The following RNF19B variants were observed in gnomAD, a reference collection of about 807,000 sequenced individuals.
RNF19B encodes ring finger protein 19B, also known as E3 ubiquitin-protein ligase RNF19B.
Under a neutral mutation model 65.5 loss-of-function variants are expected in RNF19B, and 23 were observed. The ratio of observed to expected loss-of-function variants is 0.35; its 90% CI spans 0.25 to 0.50. The LOEUF (loss-of-function observed/expected upper bound fraction) is 0.50. RNF19B is among the 20% of genes least tolerant of loss of function. The pLI is 0.98. For missense variants in RNF19B, 794 were observed against 980.0 expected (o/e 0.81, Z 2.53); for synonymous variants, 372 against 379.6 (o/e 0.98, Z 0.23).
intron 4 of RNF19B, among the ~76,000 whole-genome samples, chr1:32,946,130 T>G (rs997201202): frequency 2.0e-5 from 3 of 152,212 alleles, no homozygotes; most frequent in Non-Finnish European, 4.4e-5. Flanking sequence ...CTTCCCAAAG[T>G]GCTAGGCCAC....
chr1:32,936,992 A>G lies in RNF19B; in HGVS notation c.2010T>C (p.Asp670=), dbSNP rs940153241. ...ESIRSDLESS[D]AQSDDVPDIT... ...TGTCTGGCACATCGTCTGACTGTGCATCAGAACTCTCTAGGTCACTGCGGA... is the reference window on the plus strand; with the variant it reads ...TGTCTGGCACATCGTCTGACTGTGCGTCAGAACTCTCTAGGTCACTGCGGA... Residue 670 remains aspartate, a synonymous_variant, in exon 9 of 9, where the codon GAT becomes GAC. Coordinates refer to ENST00000235150, the MANE Select transcript of RNF19B (RefSeq NM_001300826.2). The G allele has an allele frequency of 6.2e-7, 1 of 1,614,058 alleles. No individual in the cohort carries two copies. The highest frequency in any genetic ancestry group is 1.3e-5 in the African/African-American group (1 of 74,908).
At chr1:32,939,490 T>C (rs1642182854) in intron 7 of RNF19B, among the ~76,000 whole-genome samples, 2 of 152,192 alleles carry the variant, frequency 1.3e-5, no homozygotes, top group Admixed American at 1.3e-4. Flanking sequence ...CTTATTATTA[T>C]GCATCTCTCA....
downstream of RNF19B, among the ~76,000 whole-genome samples, chr1:32,933,252 T>C (rs1046237965): frequency 7.3e-6 from 1 of 137,684 alleles, no homozygotes; most frequent in East Asian, 2.2e-4. Context: ...TAAGCTATTA[T>C]TATTATTTTT....
chr1:32,950,903 C>T (rs1557575444), intron 1 of RNF19B, among the ~76,000 whole-genome samples: 1 of 145,536 alleles, frequency 6.9e-6, no homozygotes, highest in Non-Finnish European at 1.5e-5. Context: ...TGCAGTGGCG[C>T]GACTCGGCTC....
At chr1:32,929,587 G>C in the RNF19B span, among the ~76,000 whole-genome samples, 1 of 152,262 alleles carries the variant, frequency 6.6e-6, no homozygotes, top group Middle Eastern at 3.4e-3. Flanking sequence ...TAGTTACATG[G>C]CTTAAGATCC....
intron 7 of RNF19B, among the ~76,000 whole-genome samples, chr1:32,940,750 C>T (rs1222546456): frequency 1.3e-5 from 2 of 152,170 alleles, no homozygotes; most frequent in African/African-American, 4.8e-5. Flanking sequence ...CATTCAACTG[C>T]TTCTCAGGCA....
chr1:32,937,296 G>T, intron 8 of RNF19B, 37 bp from the exon 9 acceptor site: 1 of 1,611,636 alleles, frequency 6.2e-7, no homozygotes. Flanking sequence ...AGTCATGCAT[G>T]GATCATGCTA....
chr1:32,943,034 G>C (rs553527164), intron 6 of RNF19B, among the ~76,000 whole-genome samples: 1 of 151,092 alleles, frequency 6.6e-6, no homozygotes, highest in Non-Finnish European at 1.5e-5. Context: ...CCAGCTACTC[G>C]GGAGGCTGAG....
intron 1 of RNF19B, among the ~76,000 whole-genome samples, chr1:32,963,839 A>C (rs1043690509): frequency 6.6e-6 from 1 of 152,164 alleles, no homozygotes; most frequent in Non-Finnish European, 1.5e-5. Context: ...CCCTCACCGA[A>C]TGCTTAGCAG....
At chr1:32,960,419 T>C (rs1200594968) in intron 1 of RNF19B, among the ~76,000 whole-genome samples, 1 of 152,154 alleles carries the variant, frequency 6.6e-6, no homozygotes, top group African/African-American at 2.4e-5. Context: ...ACTTCTCTTC[T>C]AGTGTTTATC....
At chr1:32,932,223 G>C (rs1642036374), downstream of RNF19B, among the ~76,000 whole-genome samples, 1 of 152,296 alleles carries the variant, frequency 6.6e-6, no homozygotes, top group South Asian at 2.1e-4. Flanking sequence ...CACCATAGGG[G>C]AGATGAGCAA....
At chr1:32,933,496 C>A (rs1245897818), downstream of RNF19B, among the ~76,000 whole-genome samples, 1 of 152,068 alleles carries the variant, frequency 6.6e-6, no homozygotes, top group Admixed American at 6.5e-5. Context: ...ACCTTGTGAG[C>A]CGCCCGCCTC....
chr1:32,952,303 T>A (rs1014799624), intron 1 of RNF19B, among the ~76,000 whole-genome samples: 1 of 151,734 alleles, frequency 6.6e-6, no homozygotes, highest in Non-Finnish European at 1.5e-5. Flanking sequence ...TTGTATAAAA[T>A]AACATTTTAG....
chr1:32,938,239 C>A, intron 8 of RNF19B, 158 bp downstream of exon 8: 3 of 528,312 alleles, frequency 5.7e-6, no homozygotes, highest in Admixed American at 3.6e-5. Context: ...AGATGCCAAA[C>A]ACTCAAGTAC....
At chr1:32,945,204 G>A (rs1485528716) in intron 5 of RNF19B, among the ~76,000 whole-genome samples, 1 of 152,114 alleles carries the variant, frequency 6.6e-6, no homozygotes, top group African/African-American at 2.4e-5. Context: ...TTGTTTTGTG[G>A]ATTTCATGGC....
chr1:32,953,395 C>A (rs1404037057), intron 1 of RNF19B, among the ~76,000 whole-genome samples: 1 of 152,054 alleles, frequency 6.6e-6, no homozygotes, highest in Non-Finnish European at 1.5e-5. Flanking sequence ...GTACAAAAAG[C>A]TAATAACATT....
chr1:32,947,388 G>C (rs750301205), intron 3 of RNF19B, among the ~76,000 whole-genome samples: 1 of 152,168 alleles, frequency 6.6e-6, no homozygotes, highest in Non-Finnish European at 1.5e-5. Flanking sequence ...GGCTGGGCGC[G>C]GTGGCTCGCG....
chr1:32,938,221 G>T, intron 8 of RNF19B, 176 bp downstream of exon 8: 1 of 404,196 alleles, frequency 2.5e-6, no homozygotes, highest in Non-Finnish European at 4.4e-6. Flanking sequence ...CTAACAAGAA[G>T]AATCAAGAGA....
chr1:32,951,336 G>A (rs568111713), intron 1 of RNF19B, among the ~76,000 whole-genome samples: 30 of 152,360 alleles, frequency 2.0e-4, no homozygotes, highest in South Asian at 6.2e-4. Context: ...CTTTGCAGAT[G>A]CAGCCCTGGG....
Sources: gnomAD v4.1 joint callset for allele counts (sites outside exome capture counted in the v4.1 genomes callset) on GRCh38, gnomAD v4.1.1 for gene constraint, MANE v1.5 for transcripts, NCBI Gene and HGNC (gene_info 2026-07-23, HGNC 2026-07-21) for gene names.